Variants in AUTS2 observed in about 807,000 individuals in gnomAD.
AUTS2 encodes activator of transcription and developmental regulator AUTS2, also known as autism susceptibility gene 2 protein.
Under a neutral mutation model 112.4 loss-of-function variants are expected in AUTS2, and 17 were observed. That is an observed-to-expected ratio of 0.15 (90% confidence interval 0.10 to 0.23). The LOEUF (loss-of-function observed/expected upper bound fraction) is 0.23, where lower values mean the gene tolerates loss of function less well. Among genes scored for constraint, AUTS2 ranks in the 10% least tolerant of loss-of-function variants. The pLI, the probability that AUTS2 is intolerant of heterozygous loss-of-function variation, is 1.00. For synonymous variants in AUTS2, 751 were observed against 702.7 expected (o/e 1.07, Z -1.09); for missense variants, 1,510 against 1,701.6 (o/e 0.89, Z 1.98).
intron 2 of AUTS2, among the ~76,000 whole-genome samples, chr7:70,081,965 TGC>T (rs1554304899): frequency 7.9e-4 from 101 of 128,102 alleles, no homozygotes; most frequent in African/African-American, 2.7e-3. Context: ...TGTGTGTGTG[TGC>T]GCGCGCCTGT....
chr7:69,893,825 A>T (rs983353597), intron 1 of AUTS2, among the ~76,000 whole-genome samples: 20 of 152,170 alleles, frequency 1.3e-4, no homozygotes, highest in Admixed American at 7.9e-4. Context: ...ATAGTGTTTC[A>T]TCTGCTATTT....
chr7:69,833,882 C>T (rs1488467293), intron 1 of AUTS2, among the ~76,000 whole-genome samples: 1 of 152,208 alleles, frequency 6.6e-6, no homozygotes, highest in Non-Finnish European at 1.5e-5. Flanking sequence ...TATCCACACT[C>T]ATGATAGAAT....
intron 5 of AUTS2, among the ~76,000 whole-genome samples, chr7:70,439,919 T>C (rs2130919050): frequency 6.6e-6 from 1 of 152,306 alleles, no homozygotes; most frequent in Admixed American, 6.5e-5. Flanking sequence ...GTGACTGAGC[T>C]GATTGGAAGG....
intron 2 of AUTS2, among the ~76,000 whole-genome samples, chr7:69,934,378 A>G (rs780970882): frequency 1.2e-4 from 18 of 152,214 alleles, no homozygotes; most frequent in African/African-American, 3.9e-4. Flanking sequence ...CTGTATTTCT[A>G]GTTGGAGCAG....
intron 4 of AUTS2, among the ~76,000 whole-genome samples, chr7:70,235,496 T>G (rs1189491970): frequency 6.6e-6 from 1 of 152,132 alleles, no homozygotes; most frequent in African/African-American, 2.4e-5. Flanking sequence ...GGGAGGGGCT[T>G]ATAGGCTGCA....
At chr7:69,965,922 T>C (rs1308677863) in intron 2 of AUTS2, among the ~76,000 whole-genome samples, 1 of 152,134 alleles carries the variant, frequency 6.6e-6, no homozygotes, top group East Asian at 1.9e-4. Flanking sequence ...ACTATTAGAC[T>C]GTTAAGGTGA....
chr7:70,277,848 AAG>A (rs1201319521), intron 4 of AUTS2, among the ~76,000 whole-genome samples: 1 of 152,112 alleles, frequency 6.6e-6, no homozygotes, highest in Non-Finnish European at 1.5e-5. Flanking sequence ...AATATCTACA[AAG>A]AGAGCAAAAA....
At chr7:70,083,868 G>A (rs966773911) in intron 2 of AUTS2, among the ~76,000 whole-genome samples, 33 of 152,216 alleles carry the variant, frequency 2.2e-4, no homozygotes, top group African/African-American at 6.7e-4. Flanking sequence ...GATTGCTTGA[G>A]CCCAAGAGGT....
chr7:69,905,562 A>G (rs1396175117), intron 2 of AUTS2, among the ~76,000 whole-genome samples: 1 of 152,128 alleles, frequency 6.6e-6, no homozygotes, highest in African/African-American at 2.4e-5. Flanking sequence ...TCCCAGCTCT[A>G]GGAGAGAGAG....
At chr7:70,376,600 A>G (rs375515099) in intron 4 of AUTS2, among the ~76,000 whole-genome samples, 2 of 151,790 alleles carry the variant, frequency 1.3e-5, no homozygotes, top group Admixed American at 6.6e-5. Flanking sequence ...TGGCCGTCTC[A>G]GGAGCTAGTC....
chr7:70,295,021 G>T (rs1788868293), intron 4 of AUTS2, among the ~76,000 whole-genome samples: 1 of 152,224 alleles, frequency 6.6e-6, no homozygotes, highest in African/African-American at 2.4e-5. Context: ...AAAGAGAACA[G>T]TCCTAGCTGT....
chr7:70,330,939 G>A (rs770550159), intron 4 of AUTS2, among the ~76,000 whole-genome samples: 4 of 152,026 alleles, frequency 2.6e-5, no homozygotes, highest in Non-Finnish European at 5.9e-5. Flanking sequence ...GTTCATTGCT[G>A]ATGTGTAGAA....
chr7:70,655,444 A>G (rs1806719568), intron 5 of AUTS2, among the ~76,000 whole-genome samples: 1 of 152,242 alleles, frequency 6.6e-6, no homozygotes, highest in African/African-American at 2.4e-5. Flanking sequence ...CTATGCTGCC[A>G]TCTCAGTGTT....
intron 6 of AUTS2, among the ~76,000 whole-genome samples, chr7:70,713,853 G>A (rs531373270): frequency 1.1e-4 from 17 of 151,244 alleles, no homozygotes; most frequent in Admixed American, 6.6e-5. Flanking sequence ...CGGAGATCGC[G>A]CCATTGCACT....
chr7:70,120,035 G>A (rs888284844), intron 3 of AUTS2: 2 of 152,088 alleles, frequency 1.3e-5, no homozygotes, highest in African/African-American at 4.8e-5. Context: ...TTTAAGGAGT[G>A]TATACTCAAA....
chr7:69,631,000 T>C (rs1387183038), intron 1 of AUTS2, among the ~76,000 whole-genome samples: 1 of 152,166 alleles, frequency 6.6e-6, no homozygotes, highest in Admixed American at 6.5e-5. Flanking sequence ...TAGATTAGAA[T>C]TGATTACCTA....
At chr7:70,053,516 T>C (rs1176273286) in intron 2 of AUTS2, among the ~76,000 whole-genome samples, 1 of 150,292 alleles carries the variant, frequency 6.7e-6, no homozygotes, top group Non-Finnish European at 1.5e-5. Context: ...ACAAATGTCT[T>C]CCATTGTGGC....
At chr7:70,644,078 C>T (rs965435366) in intron 5 of AUTS2, among the ~76,000 whole-genome samples, 1 of 152,168 alleles carries the variant, frequency 6.6e-6, no homozygotes. Flanking sequence ...ACTACTGCTT[C>T]CGTTGATTTT....
intron 1 of AUTS2, among the ~76,000 whole-genome samples, chr7:69,657,222 A>T (rs188120724): frequency 1.3e-5 from 2 of 152,336 alleles, no homozygotes; most frequent in East Asian, 1.9e-4. Context: ...AAATCTGCCT[A>T]AGCATCTCCA....
Sources: gnomAD v4.1 joint callset for allele counts (sites outside exome capture counted in the v4.1 genomes callset) on GRCh38, gnomAD v4.1.1 for gene constraint, MANE v1.5 for transcripts, NCBI Gene and HGNC (gene_info 2026-07-23, HGNC 2026-07-21) for gene names.